The following AGBL4 variants were observed in gnomAD, a reference collection of about 807,000 sequenced individuals.
AGBL4 encodes the protein cytosolic carboxypeptidase 6.
Under a neutral mutation model 66.4 loss-of-function variants are expected in AGBL4, and 58 were observed. The observed-to-expected ratio is 0.87, with a 90% CI of 0.71 to 1.09. The LOEUF is 1.09. AGBL4 is among the 50% of genes least tolerant of loss of function. The probability of loss-of-function intolerance (pLI) is 0.00; values close to 1 mark genes in which losing one functional copy is unlikely to be tolerated. For missense variants in AGBL4, 579 were observed against 631.0 expected (o/e 0.92, Z 0.88); for synonymous variants, 234 against 222.9 (o/e 1.05, Z -0.44).
chr1:49,267,905 G>A (rs982768444), intron 3 of AGBL4, among the ~76,000 whole-genome samples: 1 of 151,898 alleles, frequency 6.6e-6, no homozygotes, highest in African/African-American at 2.4e-5. Flanking sequence ...ACAGCATGGG[G>A]GAAACCACCC....
In AGBL4 at chr1:49,479,168, T is replaced by C. The variant is rs1328411685; in HGVS notation, c.282+218145A>G. On this transcript the variant is annotated intron_variant, in intron 3 of 13. Coordinates refer to ENST00000371839, the MANE Select transcript of AGBL4 (RefSeq NM_032785.4). ...ACACTAGAACCGACAAATTAAGTAA[T>C]GCTGTAGGATATAAAATCAATATAC... Among the ~76,000 whole-genome samples, 4 of 152,048 alleles carry C rather than the reference T, an allele frequency of 2.6e-5. No homozygotes were observed. The East Asian group carries it at 7.7e-4, about 29-fold the overall frequency.
intron 3 of AGBL4, among the ~76,000 whole-genome samples, chr1:49,455,160 T>TA (rs1646361678): frequency 6.6e-6 from 1 of 151,604 alleles, no homozygotes; most frequent in Non-Finnish European, 1.5e-5. Flanking sequence ...TGTACATATG[T>TA]ATGTATGTAT....
intron 5 of AGBL4, among the ~76,000 whole-genome samples, chr1:48,972,393 T>C (rs17105342): frequency 0.095 from 14,486 of 152,184 alleles, 951 homozygotes; most frequent in African/African-American, 0.19. Flanking sequence ...TCTCAGTCCA[T>C]GGACAGAATA....
chr1:49,987,238 A>G (rs1224550952), intron 1 of AGBL4, among the ~76,000 whole-genome samples: 1 of 152,202 alleles, frequency 6.6e-6, no homozygotes, highest in Non-Finnish European at 1.5e-5. Flanking sequence ...AGGCAGAAAA[A>G]CAGTCTCAAT....
At chr1:49,360,347 G>A (rs886335059) in intron 3 of AGBL4, among the ~76,000 whole-genome samples, 2 of 152,138 alleles carry the variant, frequency 1.3e-5, no homozygotes, top group African/African-American at 4.8e-5. Flanking sequence ...AATTAAATGA[G>A]CTAATAAACA....
chr1:49,593,452 C>T (rs376222033), intron 3 of AGBL4, among the ~76,000 whole-genome samples: 1 of 151,992 alleles, frequency 6.6e-6, no homozygotes, highest in South Asian at 2.1e-4. Context: ...ATACTGAAAA[C>T]AACTATAACT....
chr1:48,597,860 A>G (rs1049689587), intron 9 of AGBL4, among the ~76,000 whole-genome samples: 2 of 151,102 alleles, frequency 1.3e-5, no homozygotes, highest in African/African-American at 4.9e-5. Context: ...GAAGGAAAGA[A>G]AAGAAAGGAG....
intron 3 of AGBL4, among the ~76,000 whole-genome samples, chr1:49,371,835 G>GTGTGTGTGTGTT (rs1324955282): frequency 6.7e-6 from 1 of 149,082 alleles, no homozygotes. Flanking sequence ...GTGTGTGTGT[G>GTGTGTGTGTGTT]TGTGTGTGTG....
chr1:49,121,097 G>T (rs1160098919), intron 4 of AGBL4, among the ~76,000 whole-genome samples: 1 of 152,014 alleles, frequency 6.6e-6, no homozygotes, highest in Non-Finnish European at 1.5e-5. Context: ...ATTCTAATTA[G>T]CCATTTGCCT....
rs542786361 is a variant in AGBL4, at chr1:48,959,079, T to C, written c.594+86505A>G. ...ATTCCACAAGTGATTTTTAAATCAA[T>C]ACCATTTTGTGAGGGAGGCATCTGG... On this transcript the variant is annotated intron_variant, in intron 5 of 13. Coordinates refer to ENST00000371839, the MANE Select transcript of AGBL4 (RefSeq NM_032785.4). 2.4e-4 allele frequency among the ~76,000 whole-genome samples: 36 copies of C among 152,306 alleles called. 1 individual carries two copies. The South Asian group carries it at 7.5e-3, about 32-fold the overall frequency.
At chr1:49,910,006 T>C (rs1650661661) in intron 1 of AGBL4, among the ~76,000 whole-genome samples, 1 of 152,186 alleles carries the variant, frequency 6.6e-6, no homozygotes, top group Admixed American at 6.5e-5. Flanking sequence ...TACACAAGTA[T>C]GGAATTCAGT....
chr1:48,920,532 T>A (rs1271083064), intron 5 of AGBL4, among the ~76,000 whole-genome samples: 1 of 152,210 alleles, frequency 6.6e-6, no homozygotes, highest in Non-Finnish European at 1.5e-5. Context: ...TTATAGTTTA[T>A]AAAGCACCTT....
intron 3 of AGBL4, among the ~76,000 whole-genome samples, chr1:49,486,348 A>G (rs1285474858): frequency 1.3e-5 from 2 of 152,014 alleles, no homozygotes; most frequent in African/African-American, 4.8e-5. Context: ...TTCACCTATC[A>G]TTAGAACCAG....
intron 3 of AGBL4, among the ~76,000 whole-genome samples, chr1:49,662,784 TC>T (rs1169882768): frequency 2.0e-5 from 3 of 152,102 alleles, no homozygotes; most frequent in African/African-American, 7.2e-5. Context: ...ATAGGAAAAC[TC>T]CTGTGCATTC....
intron 4 of AGBL4, among the ~76,000 whole-genome samples, chr1:49,055,238 T>C (rs1325875760): frequency 1.3e-5 from 2 of 151,910 alleles, no homozygotes; most frequent in East Asian, 3.9e-4. Flanking sequence ...TGATGAACAT[T>C]TAAAAGAATG....
intron 4 of AGBL4, among the ~76,000 whole-genome samples, chr1:49,117,894 CTTGA>C (rs1202901259): frequency 6.6e-6 from 1 of 152,010 alleles, no homozygotes; most frequent in Non-Finnish European, 1.5e-5. Context: ...CTTTCATTTC[CTTGA>C]GCAGTGGTTT....
intron 5 of AGBL4, among the ~76,000 whole-genome samples, chr1:48,982,796 G>A (rs760308192): frequency 5.3e-5 from 8 of 152,080 alleles, no homozygotes; most frequent in Admixed American, 1.3e-4. Context: ...CCCAATGGTT[G>A]AACTAGTTTA....
At chr1:48,636,616 T>G (rs1484867836) in intron 8 of AGBL4, among the ~76,000 whole-genome samples, 1 of 152,212 alleles carries the variant, frequency 6.6e-6, no homozygotes, top group Admixed American at 6.5e-5. Context: ...AAAGGAAACA[T>G]TCAATGCTGT....
At chr1:49,112,617 A>G (rs1006066965) in intron 4 of AGBL4, among the ~76,000 whole-genome samples, 8 of 152,248 alleles carry the variant, frequency 5.3e-5, no homozygotes, top group Non-Finnish European at 1.2e-4. Context: ...CGAAGGTTAG[A>G]ATATCAAAAG....
Sources: gnomAD v4.1 joint callset for allele counts (sites outside exome capture counted in the v4.1 genomes callset) on GRCh38, gnomAD v4.1.1 for gene constraint, MANE v1.5 for transcripts, NCBI Gene and HGNC (gene_info 2026-07-23, HGNC 2026-07-21) for gene names.